KAZN: variants seen among roughly 807,000 people sequenced by gnomAD.
KAZN encodes the protein kazrin, periplakin interacting protein.
Under a neutral mutation model 87.4 loss-of-function variants are expected in KAZN, and 40 were observed. That is an observed-to-expected ratio of 0.46 (90% CI 0.36 to 0.60). KAZN has a LOEUF of 0.60. KAZN is among the 20% of genes least tolerant of loss of function. The pLI is 0.00. For missense variants in KAZN, 898 were observed against 1,073.9 expected (o/e 0.84, Z 2.29); for synonymous variants, 466 against 458.3 (o/e 1.02, Z -0.22).
chr1:15,094,197 A>T lies in KAZN; in HGVS notation c.1240A>T (p.Ser414Cys). ...TGTTGCAGACTCGGACAGCCAGTGC[A>T]GCCCCACGCGGCAGAGCCTCAGCCT... The part of the protein sequence containing the change: ...GLFDDSDSQC[S>C]PTRQSLSLSE... Residue 414 changes from serine (S) to cysteine (C), a missense_variant, in exon 9 of 15, where the codon AGC (serine) becomes TGC (cysteine). Ser to Cys is a moderately radical substitution (Grantham distance 112). Around this residue, in one of 3 missense-constraint regions of KAZN, gnomAD observed 521 missense variants for 689.4 expected, o/e 0.76. Coordinates refer to ENST00000376030, the MANE Select transcript of KAZN (RefSeq NM_201628.3). The surrounding 1 kb of genome is among the most constrained non-coding windows in gnomAD (Gnocchi z 4.5). The T allele has an allele frequency of 6.2e-7, 1 of 1,613,330 alleles. No homozygotes were observed. The highest frequency in any genetic ancestry group is 8.5e-7 in the Non-Finnish European group (1 of 1,179,842).
intron 1 of KAZN, among the ~76,000 whole-genome samples, chr1:14,039,498 T>C (rs1220994677): frequency 4.6e-5 from 7 of 152,214 alleles, no homozygotes; most frequent in African/African-American, 1.7e-4. Context: ...ATTGTCCACA[T>C]GAGTCGGCAG....
intron 2 of KAZN, chr1:14,391,672 C>T (rs536003744): frequency 6.6e-6 from 1 of 152,192 alleles, no homozygotes; most frequent in Admixed American, 6.5e-5. Flanking sequence ...CCAACTCCCC[C>T]TAAATAAAGT....
intron 2 of KAZN, among the ~76,000 whole-genome samples, chr1:14,359,180 C>T (rs1461821253): frequency 1.3e-5 from 2 of 152,108 alleles, no homozygotes; most frequent in Non-Finnish European, 2.9e-5. Context: ...TATCTAACGT[C>T]CTTCTTCGTC....
chr1:14,417,757 G>C (rs1435032997), intron 2 of KAZN, among the ~76,000 whole-genome samples: 1 of 151,770 alleles, frequency 6.6e-6, no homozygotes, highest in Non-Finnish European at 1.5e-5. Context: ...AGGACTTTGG[G>C]AGGCCAAAGC....
chr1:15,001,585 C>T (rs1300764074), intron 2 of KAZN, among the ~76,000 whole-genome samples: 1 of 152,156 alleles, frequency 6.6e-6, no homozygotes, highest in South Asian at 2.1e-4. Context: ...ACACAGAGCA[C>T]TTTCCACAGA....
intron 1 of KAZN, among the ~76,000 whole-genome samples, chr1:14,840,157 C>G (rs139384955): frequency 1.3e-5 from 2 of 152,110 alleles, no homozygotes; most frequent in African/African-American, 4.8e-5. Context: ...TTAATAGAGT[C>G]CAGGAGAGGT....
chr1:14,603,306 T>A (rs12096315), intron 1 of KAZN, among the ~76,000 whole-genome samples: 1 of 152,008 alleles, frequency 6.6e-6, no homozygotes, highest in African/African-American at 2.4e-5. Flanking sequence ...TTCTGTTAGC[T>A]TGCCACTAAG....
intron 1 of KAZN, among the ~76,000 whole-genome samples, chr1:14,731,831 G>C (rs922332036): frequency 5.3e-5 from 8 of 152,186 alleles, no homozygotes; most frequent in Non-Finnish European, 1.2e-4. Flanking sequence ...TTCATGTCCT[G>C]GTCTGTAGAA....
At chr1:14,797,927 C>T (rs1404127211) in intron 1 of KAZN, among the ~76,000 whole-genome samples, 1 of 152,194 alleles carries the variant, frequency 6.6e-6, no homozygotes, top group African/African-American at 2.4e-5. Context: ...ACGATGCCCA[C>T]GATGTGCCAA....
At chr1:14,165,623 C>T (rs1296792390) in intron 1 of KAZN, among the ~76,000 whole-genome samples, 1 of 152,180 alleles carries the variant, frequency 6.6e-6, no homozygotes, top group African/African-American at 2.4e-5. Flanking sequence ...GGAAGCTGTT[C>T]AGGGTGGTTT....
In KAZN at chr1:14,492,490, T is replaced by C. The variant is rs955264500; in HGVS notation, c.250-106493T>C. Among the ~76,000 whole-genome samples the C allele has an allele frequency of 2.6e-5, 4 of 151,386 alleles. No individual in the cohort carries two copies. The South Asian group carries it at 6.3e-4, about 24-fold the overall frequency. On this transcript the variant is annotated intron_variant, in intron 2 of 16. Coordinates refer to the KAZN transcript ENST00000636203. ...AAGATGGAAAACGAGACTTCCCTTATGAAGCTTCTGTTCTACAGAGGTGGG... is the reference window on the plus strand; with the variant it reads ...AAGATGGAAAACGAGACTTCCCTTACGAAGCTTCTGTTCTACAGAGGTGGG...
At chr1:14,793,659 TC>T (rs1216912679) in intron 1 of KAZN, among the ~76,000 whole-genome samples, 3 of 152,212 alleles carry the variant, frequency 2.0e-5, no homozygotes, top group African/African-American at 7.2e-5. Flanking sequence ...CTTTCATTCT[TC>T]CTGCTCAGAG....
intron 1 of KAZN, among the ~76,000 whole-genome samples, chr1:14,766,680 C>T (rs1447403906): frequency 1.3e-5 from 2 of 149,156 alleles, no homozygotes; most frequent in East Asian, 4.0e-4. Context: ...CCTGTTGGAG[C>T]TCACAGTCCA....
chr1:14,206,150 T>C (rs1204995228), intron 2 of KAZN, among the ~76,000 whole-genome samples: 1 of 152,202 alleles, frequency 6.6e-6, no homozygotes, highest in Non-Finnish European at 1.5e-5. Context: ...TTTCCATTTT[T>C]AATTTTTCAG....
intron 2 of KAZN, among the ~76,000 whole-genome samples, chr1:14,207,662 G>C (rs1042613461): frequency 6.6e-6 from 1 of 152,060 alleles, no homozygotes; most frequent in Non-Finnish European, 1.5e-5. Context: ...TTAAATTTGG[G>C]GGCTGGGTGA....
At chr1:14,719,650 C>T (rs1490601662) in intron 1 of KAZN, among the ~76,000 whole-genome samples, 1 of 152,158 alleles carries the variant, frequency 6.6e-6, no homozygotes, top group Admixed American at 6.5e-5. Context: ...ACTAACCTGG[C>T]CAACATGGTG....
chr1:14,466,673 AAAG>A lies in KAZN; in HGVS notation c.250-132301_250-132299del, dbSNP rs1553176379. 2.6e-3 allele frequency among the ~76,000 whole-genome samples: 362 copies of A among 141,638 alleles called. 8 individuals carry two copies. The South Asian group carries it at 0.038, about 15-fold the overall frequency. The allele number at this position is 141,638 out of a possible 152,430, so 92.9% of individuals were successfully genotyped here. On this transcript the variant is annotated intron_variant, in intron 2 of 16. Coordinates refer to the KAZN transcript ENST00000636203. ...TAAAACTAAATTTAAAAAAAAAAAA[AAAG>A]AAGAAGAAACGGCCAGGCGCGGTGG... is the stretch of plus-strand genomic sequence containing the variant.
intron 1 of KAZN, among the ~76,000 whole-genome samples, chr1:14,080,808 T>C (rs1203017769): frequency 6.6e-6 from 1 of 152,192 alleles, no homozygotes; most frequent in African/African-American, 2.4e-5. Context: ...CCCCAGGTAA[T>C]GATTTGTCAT....
At position 14,299,500 on chromosome 1, in the gene KAZN, G is replaced by A. The variant is rs151037456; in HGVS notation, c.249+118908G>A. ...ACTGGGCGACAGAGCAAGCAAGACT[G>A]TCTCAAAAAAAGAAAAGAAAAGAAA... On this transcript the variant is annotated intron_variant, in intron 2 of 16. Coordinates refer to the KAZN transcript ENST00000636203. Among the ~76,000 whole-genome samples, 6 of 152,148 alleles carry A rather than the reference G, an allele frequency of 3.9e-5. No homozygotes were observed. In the East Asian group the frequency reaches 1.2e-3, roughly 29 times the overall value.
Sources: allele counts gnomAD v4.1 joint callset (sites outside exome capture counted in the v4.1 genomes callset), GRCh38; gene constraint gnomAD v4.1.1; regional missense constraint gnomAD v4.1.1; non-coding constraint Gnocchi (gnomAD v3.1); transcripts MANE v1.5; gene names NCBI Gene and HGNC (gene_info 2026-07-23, HGNC 2026-07-21).